CHMP5: variants seen among roughly 807,000 people sequenced by gnomAD.
The protein encoded by CHMP5 is SNF7 domain containing 2.
Under a neutral mutation model 33.0 loss-of-function variants are expected in CHMP5, and 17 were observed. The ratio of observed to expected loss-of-function variants is 0.52; its 90% CI spans 0.35 to 0.77. CHMP5 has a LOEUF of 0.77. CHMP5 is among the 30% of genes least tolerant of loss of function. The pLI, the probability that CHMP5 is intolerant of heterozygous loss-of-function variation, is 0.01. For missense variants in CHMP5, 216 were observed against 261.5 expected, an observed-to-expected ratio of 0.83 and a Z score of 1.20; for synonymous variants, 76 against 90.2, an observed-to-expected ratio of 0.84 and a Z score of 0.89.
intron 5 of CHMP5, among the ~76,000 whole-genome samples, chr9:33,273,845 G>C (rs1450764844): frequency 6.6e-6 from 1 of 151,914 alleles, no homozygotes; most frequent in Non-Finnish European, 1.5e-5. Context: ...GATGATCCGG[G>C]AAGATGTGTC....
At chr9:33,277,749 A>G (rs1820872564) in intron 6 of CHMP5, 2 of 173,500 alleles carry the variant, frequency 1.2e-5, no homozygotes, top group East Asian at 1.4e-4. Context: ...ACCATTCCAC[A>G]CTGGATTTCT....
At chr9:33,271,060 C>T (rs1820788182) in intron 4 of CHMP5, 92 bp from the exon 5 acceptor site, 1 of 1,036,004 alleles carries the variant, frequency 9.7e-7, no homozygotes. Context: ...AGCAAGAGTG[C>T]AACTCTGTCT....
chr9:33,267,815 T>G, intron 2 of CHMP5, 38 bp from the exon 3 acceptor site: 1 of 1,472,722 alleles, frequency 6.8e-7, no homozygotes, highest in Non-Finnish European at 9.5e-7. Context: ...TATATGTGTT[T>G]TCCACCTTAT....
Position 33,280,805 on chromosome 9 carries a change from A to G in CHMP5, c.610-4A>G, listed in dbSNP as rs182128387. 6.2e-7 allele frequency: 1 copy of G among 1,607,106 alleles called. No individual in the cohort carries two copies. Among genetic ancestry groups the G allele is most frequent in the East Asian group, 2.2e-5 (1 of 44,752 alleles). ...TGGCACTAAACATTGCTTCCTTTTT[A>G]CAGGATGGAGTTCTGGTGGATGAAT... On this transcript the variant is annotated splice_region_variant and splice_polypyrimidine_tract_variant and intron_variant, in intron 7 of 7. Coordinates refer to ENST00000223500, the MANE Select transcript of CHMP5 (RefSeq NM_016410.6).
intron 5 of CHMP5, among the ~76,000 whole-genome samples, chr9:33,275,284 C>T (rs148322983): frequency 7.2e-5 from 11 of 152,296 alleles, no homozygotes; most frequent in East Asian, 3.9e-4. Flanking sequence ...CAATCCCTTG[C>T]GTGTACCAAG....
At chr9:33,280,709 A>T in intron 7 of CHMP5, 100 bp from the exon 8 acceptor site, 1 of 1,120,386 alleles carries the variant, frequency 8.9e-7, no homozygotes, top group South Asian at 1.5e-5. Context: ...TTGATTGATT[A>T]AATACTTGGA....
At chr9:33,268,723 T>C (rs1256962519) in intron 3 of CHMP5, among the ~76,000 whole-genome samples, 1 of 152,224 alleles carries the variant, frequency 6.6e-6, no homozygotes, top group African/African-American at 2.4e-5. Flanking sequence ...ATAAAAAGAA[T>C]ATAGGTTCAT....
At chr9:33,279,696 T>C (rs1820898880) in intron 7 of CHMP5, among the ~76,000 whole-genome samples, 1 of 151,756 alleles carries the variant, frequency 6.6e-6, no homozygotes, top group Non-Finnish European at 1.5e-5. Context: ...ACCCCGTCTC[T>C]ACTAAAAATA....
At chr9:33,277,446 GGA>G (rs975045145) in intron 6 of CHMP5, among the ~76,000 whole-genome samples, 2 of 152,102 alleles carry the variant, frequency 1.3e-5, no homozygotes, top group African/African-American at 4.8e-5. Flanking sequence ...GTTAGTAGTG[GGA>G]GAGAGGCATG....
rs844239 is a variant in CHMP5 at position 33,270,481 on chromosome 9, A to G, written c.222-142A>G. 0.72 allele frequency: 463,994 copies of G among 643,054 alleles called. 172,302 individuals are homozygous for G. The highest frequency in any genetic ancestry group is 0.77 in the Non-Finnish European group (284,030 of 370,386). 39.8% of individuals were successfully genotyped at this position (643,054 alleles called of 1,614,324 possible). On this transcript the variant is annotated intron_variant, in intron 3 of 7. Transcript: ENST00000223500. ...TAGAGTGATTAAATTGTTTTTGCCA[A>G]TTTTTCTGCGTGATACCTAATTTTT...
intron 5 of CHMP5, among the ~76,000 whole-genome samples, chr9:33,273,551 A>G (rs935253914): frequency 2.0e-5 from 3 of 152,054 alleles, no homozygotes; most frequent in African/African-American, 7.2e-5. Flanking sequence ...CTTTGGTTAG[A>G]TCGAATTTTT....
chr9:33,276,286 TA>T (rs1414958231), intron 5 of CHMP5, among the ~76,000 whole-genome samples, 169 bp from the exon 6 acceptor site: 1 of 152,178 alleles, frequency 6.6e-6, no homozygotes, highest in African/African-American at 2.4e-5. Flanking sequence ...AAGACTGGGA[TA>T]GGGGAGGTGA....
intron 6 of CHMP5, among the ~76,000 whole-genome samples, chr9:33,277,161 A>T (rs1378434431): frequency 6.8e-6 from 1 of 147,476 alleles, no homozygotes; most frequent in Non-Finnish European, 1.5e-5. Flanking sequence ...GCCCCACTGC[A>T]GCCTGGGCAA....
At chr9:33,280,012 G>C (rs1463545063) in intron 7 of CHMP5, among the ~76,000 whole-genome samples, 1 of 151,924 alleles carries the variant, frequency 6.6e-6, no homozygotes, top group Admixed American at 6.6e-5. Flanking sequence ...GAGTCCCGCT[G>C]TGTCACCCAG....
chr9:33,277,713 G>A (rs945128403), intron 6 of CHMP5: 1 of 160,076 alleles, frequency 6.2e-6, no homozygotes, highest in African/African-American at 2.4e-5. Flanking sequence ...TCAGTTTCTA[G>A]CATGAGTAAC....
chr9:33,272,629 C>G (rs1185435072), intron 5 of CHMP5, among the ~76,000 whole-genome samples: 4 of 151,934 alleles, frequency 2.6e-5, no homozygotes, highest in Non-Finnish European at 5.9e-5. Flanking sequence ...ACGGTGAAAC[C>G]CTGTCTCTAC....
chr9:33,272,393 CAAAAAA>C (rs10710870), intron 5 of CHMP5, among the ~76,000 whole-genome samples: 1 of 125,086 alleles, frequency 8.0e-6, no homozygotes. Context: ...GGAGATAAAG[CAAAAAA>C]AAAAAAAAAA....
chr9:33,265,096 G>T lies in CHMP5; in HGVS notation c.18G>T (p.Gly6=). Residue 6 remains glycine, a synonymous_variant, in exon 1 of 8, where the codon GGG becomes GGT. Transcript: ENST00000223500. ...TGCTCAAGATGAACCGACTCTTCGG[G>T]AAAGCGAAACCCAAGGCTCCGCCGC... MNRLF[G]KAKPKAPPPS... is the part of the protein sequence containing the mutation. 1 of 1,614,210 alleles carries T rather than the reference G, an allele frequency of 6.2e-7. No individual in the cohort carries two copies. Among genetic ancestry groups the T allele is most frequent in the South Asian group, 1.1e-5 (1 of 91,084 alleles).
At chr9:33,265,300 C>T (rs1472998400) in intron 1 of CHMP5, among the ~76,000 whole-genome samples, 153 bp downstream of exon 1, 1 of 151,958 alleles carries the variant, frequency 6.6e-6, no homozygotes, top group African/African-American at 2.4e-5. Flanking sequence ...CCCTTCATCC[C>T]TGTTACCCAA....
Sources: gnomAD v4.1 joint callset for allele counts (sites outside exome capture counted in the v4.1 genomes callset) on GRCh38, gnomAD v4.1.1 for gene constraint, MANE v1.5 for transcripts, NCBI Gene and HGNC (gene_info 2026-07-23, HGNC 2026-07-21) for gene names.